Variants in TRAK1 observed in about 807,000 individuals in gnomAD.
The protein encoded by TRAK1 is trafficking kinesin-binding protein 1.
TRAK1 carries 33 observed loss-of-function variants against 92.1 expected under a neutral mutation model. The observed-to-expected ratio is 0.36, with a 90% CI of 0.27 to 0.48. TRAK1 has a LOEUF of 0.48. Among genes scored for constraint, TRAK1 ranks in the 20% least tolerant of loss-of-function variants. The pLI is 0.99. For missense variants in TRAK1, 1,123 were observed against 1,257.9 expected (o/e 0.89, Z 1.62); for synonymous variants, 521 against 517.3 (o/e 1.01, Z -0.10).
intron 1 of TRAK1, among the ~76,000 whole-genome samples, chr3:42,041,861 C>G (rs1477335307): frequency 1.3e-5 from 2 of 150,748 alleles, no homozygotes; most frequent in Non-Finnish European, 2.9e-5. Flanking sequence ...GTGGCGCGAT[C>G]TTGGCTCACC....
chr3:42,037,308 A>G (rs1047003616), intron 1 of TRAK1, among the ~76,000 whole-genome samples: 4 of 152,228 alleles, frequency 2.6e-5, no homozygotes, highest in African/African-American at 2.4e-5. Flanking sequence ...TTTTAGACCC[A>G]TTTTCCTTAA....
intron 1 of TRAK1, among the ~76,000 whole-genome samples, chr3:42,107,108 G>A (rs1707670951): frequency 6.6e-6 from 1 of 152,236 alleles, no homozygotes; most frequent in Non-Finnish European, 1.5e-5. Context: ...GACAGGGGGA[G>A]GGATGTGGGC....
intron 2 of TRAK1, among the ~76,000 whole-genome samples, chr3:42,168,967 G>A (rs772875978): frequency 1.3e-5 from 2 of 152,136 alleles, no homozygotes; most frequent in African/African-American, 4.8e-5. Context: ...GCGATTAAAG[G>A]CATGTGCCAC....
At chr3:42,014,126 G>C (rs1701417168) in intron 1 of TRAK1, 1 of 152,246 alleles carries the variant, frequency 6.6e-6, no homozygotes, top group East Asian at 1.9e-4. Flanking sequence ...GGGTAAGCCA[G>C]GGGTCCGCTC....
At position 42,061,264 on chromosome 3, in the gene TRAK1, C is replaced by T. The variant is rs147588611; in HGVS notation, c.-518-25840C>T. Among the ~76,000 whole-genome samples, 77 of 151,480 alleles carry T rather than the reference C, an allele frequency of 5.1e-4. 1 individual carries two copies. Among genetic ancestry groups the T allele is most frequent in the African/African-American group, 1.5e-3 (60 of 41,210 alleles). On this transcript the variant is annotated intron_variant, in intron 1 of 16. Transcript: ENST00000487159. ...GGGTGTGTGTCTACATCTGTGCATG[C>T]GTGCATGCACACACCCACCCACACA...
At chr3:42,160,615 C>A in intron 2 of TRAK1, 4 of 914,356 alleles carry the variant, frequency 4.4e-6, no homozygotes, top group East Asian at 2.8e-5. Flanking sequence ...ATGCAAATGG[C>A]TTAAAGGTGT....
chr3:42,137,545 C>A (rs935465260), intron 2 of TRAK1, among the ~76,000 whole-genome samples: 1 of 152,182 alleles, frequency 6.6e-6, no homozygotes, highest in African/African-American at 2.4e-5. Flanking sequence ...CATATCATTT[C>A]AAGAAAGATG....
At chr3:42,209,385 T>C (rs1708702213) in intron 13 of TRAK1, among the ~76,000 whole-genome samples, 1 of 152,206 alleles carries the variant, frequency 6.6e-6, no homozygotes, top group East Asian at 1.9e-4. Context: ...CCCGCTTTTG[T>C]GCTTATCTTG....
intron 7 of TRAK1, among the ~76,000 whole-genome samples, chr3:42,192,653 T>C (rs867273495): frequency 6.6e-6 from 1 of 152,198 alleles, no homozygotes; most frequent in Non-Finnish European, 1.5e-5. Flanking sequence ...GTAGTTCCTT[T>C]TTAGAACTGG....
chr3:42,151,220 C>T, intron 2 of TRAK1: 1 of 381,812 alleles, frequency 2.6e-6, no homozygotes, highest in South Asian at 2.0e-5. Flanking sequence ...AATGCCACAC[C>T]ATCCAGTTCC....
intron 1 of TRAK1, among the ~76,000 whole-genome samples, chr3:42,043,839 A>G (rs1015480539): frequency 3.3e-5 from 5 of 150,860 alleles, no homozygotes; most frequent in African/African-American, 9.7e-5. Flanking sequence ...TGGTCTCTTA[A>G]GAGCACTTGA....
At chr3:42,019,157 G>A (rs1701641225) in intron 1 of TRAK1, among the ~76,000 whole-genome samples, 1 of 152,018 alleles carries the variant, frequency 6.6e-6, no homozygotes, top group Non-Finnish European at 1.5e-5. Flanking sequence ...ATTAGAATAG[G>A]GATATAGGAT....
chr3:42,181,021 G>A (rs1197398122), intron 3 of TRAK1, among the ~76,000 whole-genome samples: 1 of 152,200 alleles, frequency 6.6e-6, no homozygotes, highest in Non-Finnish European at 1.5e-5. Flanking sequence ...CAGCCCTTAG[G>A]TGCAGGGTTT....
chr3:42,023,484 C>T (rs1701801334), intron 1 of TRAK1, among the ~76,000 whole-genome samples: 1 of 152,108 alleles, frequency 6.6e-6, no homozygotes, highest in Non-Finnish European at 1.5e-5. Context: ...CCTTATCTTA[C>T]CTCCATGATG....
chr3:42,121,550 C>T (rs766003506), intron 1 of TRAK1, among the ~76,000 whole-genome samples: 4 of 152,066 alleles, frequency 2.6e-5, no homozygotes, highest in African/African-American at 4.8e-5. Context: ...TGAGCCACTG[C>T]GCCTGGCCTC....
chr3:42,194,837 A>C lies in TRAK1; in HGVS notation c.1009A>C (p.Met337Leu). Residue 337 changes from methionine (M) to leucine (L), a missense_variant, in exon 10 of 16, where the codon ATG becomes CTG. Transcript: ENST00000327628. Reference protein sequence around the residue: ...RELEDKYAECMEMLHEAQEEL... With the variant: ...RELEDKYAECLEMLHEAQEEL... ...GCTGGAGGACAAGTACGCAGAGTGC[A>C]TGGAGATGCTGCATGAGGCGCAGGA... 6.2e-7 allele frequency: 1 copy of C among 1,613,920 alleles called. No homozygotes were observed. The highest frequency in any genetic ancestry group is 8.5e-7 in the Non-Finnish European group (1 of 1,179,924).
At chr3:42,032,451 G>T (rs1288948508) in intron 1 of TRAK1, among the ~76,000 whole-genome samples, 1 of 144,234 alleles carries the variant, frequency 6.9e-6, no homozygotes, top group Non-Finnish European at 1.5e-5. Context: ...CCAAGATTTT[G>T]CTCAAATACA....
chr3:42,204,845 G>T (rs1439653412), intron 13 of TRAK1, among the ~76,000 whole-genome samples: 1 of 152,098 alleles, frequency 6.6e-6, no homozygotes, highest in African/African-American at 2.4e-5. Flanking sequence ...GCCTCCCAAA[G>T]TGTTAGGATT....
chr3:42,170,140 G>GT lies in TRAK1; in HGVS notation c.287-6673dup, dbSNP rs199541175. On this transcript the variant is annotated intron_variant, in intron 2 of 15. Coordinates refer to ENST00000327628, the MANE Select transcript of TRAK1 (RefSeq NM_001042646.3). ...TAGGGATGGTCCCTGTATGTCCTGT[G>GT]TGTTGAGGCTGCTGCTTGTAGGAGG... Among the ~76,000 whole-genome samples the GT allele has an allele frequency of 6.9e-3, 1,044 of 152,306 alleles. 12 individuals are homozygous for GT. The highest frequency in any genetic ancestry group is 0.024 in the African/African-American group (992 of 41,560).
Sources: gnomAD v4.1 joint callset for allele counts (sites outside exome capture counted in the v4.1 genomes callset) on GRCh38, gnomAD v4.1.1 for gene constraint, MANE v1.5 for transcripts, NCBI Gene and HGNC (gene_info 2026-07-23, HGNC 2026-07-21) for gene names.